Variants in LRRC4C observed in about 807,000 individuals in gnomAD.
The protein encoded by LRRC4C is leucine-rich repeat-containing protein 4C.
Under a neutral mutation model 33.6 loss-of-function variants are expected in LRRC4C, and 5 were observed. That is an observed-to-expected ratio of 0.15 (90% CI 0.08 to 0.31). The LOEUF is 0.31. Among genes scored for constraint, LRRC4C ranks in the 10% least tolerant of loss-of-function variants. LRRC4C has a pLI of 1.00. For missense variants in LRRC4C, 560 were observed against 796.7 expected, an observed-to-expected ratio of 0.70 and a Z score of 3.58; for synonymous variants, 329 against 302.0, an observed-to-expected ratio of 1.09 and a Z score of -0.93.
chr11:40,430,301 T>C (rs576380671), intron 3 of LRRC4C, among the ~76,000 whole-genome samples: 1 of 152,126 alleles, frequency 6.6e-6, no homozygotes, highest in South Asian at 2.1e-4. Context: ...TGAAGGATTA[T>C]TAATGTCCTA....
intron 1 of LRRC4C, among the ~76,000 whole-genome samples, chr11:41,014,428 AC>A (rs1384451453): frequency 3.3e-5 from 5 of 151,650 alleles, no homozygotes; most frequent in African/African-American, 1.2e-4. Flanking sequence ...AATAAATGGT[AC>A]CAAGAGCACA....
chr11:40,148,753 C>T (rs1042780858), intron 5 of LRRC4C, among the ~76,000 whole-genome samples: 1 of 152,066 alleles, frequency 6.6e-6, no homozygotes, highest in African/African-American at 2.4e-5. Flanking sequence ...TAAATTCTTG[C>T]CTGTTCCTAT....
At chr11:40,426,223 C>T (rs1422070872) in intron 3 of LRRC4C, among the ~76,000 whole-genome samples, 1 of 151,958 alleles carries the variant, frequency 6.6e-6, no homozygotes, top group Non-Finnish European at 1.5e-5. Flanking sequence ...CCATGTTAGC[C>T]AGGATTGTCT....
At chr11:40,744,589 A>G (rs565271384) in intron 2 of LRRC4C, among the ~76,000 whole-genome samples, 3 of 152,274 alleles carry the variant, frequency 2.0e-5, no homozygotes, top group African/African-American at 4.8e-5. Flanking sequence ...GATTTTGCTT[A>G]CCATAGTATC....
At chr11:40,966,075 G>A (rs1344417585) in intron 1 of LRRC4C, among the ~76,000 whole-genome samples, 1 of 151,892 alleles carries the variant, frequency 6.6e-6, no homozygotes, top group Non-Finnish European at 1.5e-5. Flanking sequence ...TCCTTGAAGA[G>A]GTCCTTCACA....
chr11:40,329,190 A>G (rs1306846479), intron 3 of LRRC4C, among the ~76,000 whole-genome samples: 1 of 152,206 alleles, frequency 6.6e-6, no homozygotes, highest in Non-Finnish European at 1.5e-5. Context: ...TGAAAATAAC[A>G]GTTAGTTCTG....
At chr11:41,454,418 T>C (rs1296043561) in intron 1 of LRRC4C, among the ~76,000 whole-genome samples, 1 of 152,096 alleles carries the variant, frequency 6.6e-6, no homozygotes, top group Non-Finnish European at 1.5e-5. Flanking sequence ...AGCAAATAGC[T>C]ATGAGCAGAG....
chr11:40,496,829 A>C (rs939960787), intron 3 of LRRC4C, among the ~76,000 whole-genome samples: 34 of 152,180 alleles, frequency 2.2e-4, no homozygotes, highest in African/African-American at 8.0e-4. Context: ...GATTGAGTTC[A>C]CATGTGCTCA....
chr11:41,382,508 A>G (rs1565629081), intron 1 of LRRC4C, among the ~76,000 whole-genome samples: 1 of 152,132 alleles, frequency 6.6e-6, no homozygotes, highest in Admixed American at 6.6e-5. Context: ...AAGCTAAAAT[A>G]TTGCTTGGAA....
chr11:41,363,443 CT>C, intron 1 of LRRC4C, among the ~76,000 whole-genome samples: 1 of 152,322 alleles, frequency 6.6e-6, no homozygotes, highest in Middle Eastern at 3.4e-3. Flanking sequence ...TATCGCTAAT[CT>C]TCAATTCCAT....
chr11:40,749,038 T>C (rs1948562573), intron 2 of LRRC4C, among the ~76,000 whole-genome samples: 1 of 152,082 alleles, frequency 6.6e-6, no homozygotes, highest in South Asian at 2.1e-4. Context: ...GGAATGATTG[T>C]AGGAGATTCA....
chr11:40,229,799 C>A (rs1865073575), intron 5 of LRRC4C, among the ~76,000 whole-genome samples: 3 of 152,134 alleles, frequency 2.0e-5, no homozygotes, highest in Non-Finnish European at 4.4e-5. Flanking sequence ...ATACTGTAGA[C>A]CTGATATGCT....
intron 2 of LRRC4C, among the ~76,000 whole-genome samples, chr11:40,650,033 T>C (rs752374076): frequency 1.3e-5 from 2 of 152,244 alleles, no homozygotes; most frequent in Non-Finnish European, 2.9e-5. Context: ...AATGTCAAAA[T>C]ATTTTTTGTG....
intron 2 of LRRC4C, among the ~76,000 whole-genome samples, chr11:40,728,459 A>G (rs555748022): frequency 6.6e-6 from 1 of 151,580 alleles, no homozygotes; most frequent in African/African-American, 2.4e-5. Flanking sequence ...AGAAAAAAAA[A>G]AAACTAAAAA....
chr11:40,561,408 CTTTTTTTTTTTTT>C (rs549919738), intron 3 of LRRC4C, among the ~76,000 whole-genome samples: 1 of 100,936 alleles, frequency 9.9e-6, no homozygotes, highest in Non-Finnish European at 1.9e-5. Flanking sequence ...CTGAGGATTC[CTTTTTTTTTTTTT>C]TTTTTTTTTG....
intron 1 of LRRC4C, among the ~76,000 whole-genome samples, chr11:41,344,534 T>C (rs1951744460): frequency 6.6e-6 from 1 of 152,172 alleles, no homozygotes; most frequent in Admixed American, 6.5e-5. Context: ...CCTTTCTATC[T>C]TAACTCATCA....
chr11:40,892,006 G>A (rs1469495192), intron 2 of LRRC4C, among the ~76,000 whole-genome samples: 7 of 151,794 alleles, frequency 4.6e-5, no homozygotes, highest in African/African-American at 1.7e-4. Flanking sequence ...GTGGTGGTGG[G>A]CACCTGTAGT....
intron 4 of LRRC4C, among the ~76,000 whole-genome samples, chr11:40,242,969 AT>A (rs770073353): frequency 5.9e-5 from 9 of 152,324 alleles, no homozygotes; most frequent in South Asian, 2.1e-4. Context: ...CTGAAAAAAA[AT>A]ATTCTTTGAA....
intron 1 of LRRC4C, among the ~76,000 whole-genome samples, chr11:41,209,638 C>CT (rs1330311566): frequency 7.1e-6 from 1 of 140,048 alleles, no homozygotes; most frequent in Admixed American, 7.9e-5. Flanking sequence ...GAGTGAGACT[C>CT]TGTCTCAAAA....
Sources: allele counts gnomAD v4.1 joint callset (sites outside exome capture counted in the v4.1 genomes callset), GRCh38; gene constraint gnomAD v4.1.1; transcripts MANE v1.5; gene names NCBI Gene and HGNC (gene_info 2026-07-23, HGNC 2026-07-21).